THSD4: variants seen among roughly 807,000 people sequenced by gnomAD.
THSD4 encodes thrombospondin type 1 domain containing 4.
Under a neutral mutation model 119.0 loss-of-function variants are expected in THSD4, and 69 were observed. The observed-to-expected ratio is 0.58, with a 90% CI of 0.48 to 0.71. THSD4 has a LOEUF of 0.71. Ranked by LOEUF, THSD4 falls within the 30% of genes least tolerant of loss-of-function variation. The pLI is 0.00. For missense variants in THSD4, 1,393 were observed against 1,391.1 expected (o/e 1.00, Z -0.02); for synonymous variants, 524 against 540.4 (o/e 0.97, Z 0.42).
chr15:71,391,099 G>A (rs905318350), intron 6 of THSD4, among the ~76,000 whole-genome samples: 1 of 151,048 alleles, frequency 6.6e-6, no homozygotes, highest in African/African-American at 2.4e-5. Context: ...CACAATCTCG[G>A]CTCACTGCAA....
intron 3 of THSD4, among the ~76,000 whole-genome samples, chr15:71,165,981 A>T (rs1345595173): frequency 6.6e-6 from 1 of 151,946 alleles, no homozygotes; most frequent in East Asian, 1.9e-4. Flanking sequence ...CTGTAGGGAG[A>T]GGGAGGTGAG....
At chr15:71,636,687 T>C (rs2050751725) in intron 7 of THSD4, among the ~76,000 whole-genome samples, 1 of 152,026 alleles carries the variant, frequency 6.6e-6, no homozygotes, top group African/African-American at 2.4e-5. Context: ...AGAAATCTTT[T>C]TTTGCCCAGT....
intron 15 of THSD4, among the ~76,000 whole-genome samples, chr15:71,763,446 C>A (rs2053658836): frequency 6.6e-6 from 1 of 152,188 alleles, no homozygotes; most frequent in Non-Finnish European, 1.5e-5. Flanking sequence ...CACAGTGGCT[C>A]ACGCCTGTAA....
chr15:71,697,189 C>T (rs1029379902), intron 8 of THSD4, among the ~76,000 whole-genome samples: 2 of 151,954 alleles, frequency 1.3e-5, no homozygotes, highest in East Asian at 1.9e-4. Flanking sequence ...GAGAGAATAC[C>T]GGAAGGAATA....
chr15:71,564,770 ATAT>A (rs2049199509), intron 7 of THSD4, among the ~76,000 whole-genome samples: 1 of 13,772 alleles, frequency 7.3e-5, no homozygotes, highest in Non-Finnish European at 2.3e-4. Flanking sequence ...AATACAATAT[ATAT>A]TGTATATTAT....
chr15:71,717,022 C>T (rs2052623825), intron 8 of THSD4, among the ~76,000 whole-genome samples: 1 of 152,196 alleles, frequency 6.6e-6, no homozygotes, highest in Non-Finnish European at 1.5e-5. Context: ...CTCTCTGTGC[C>T]AGGAGGAAGA....
intron 15 of THSD4, among the ~76,000 whole-genome samples, chr15:71,762,410 T>C (rs2053642234): frequency 6.6e-6 from 1 of 152,234 alleles, no homozygotes; most frequent in Non-Finnish European, 1.5e-5. Context: ...TCTCATAGCA[T>C]TGAGGGGTCT....
At chr15:71,458,618 C>T (rs2047372019) in intron 7 of THSD4, among the ~76,000 whole-genome samples, 1 of 152,100 alleles carries the variant, frequency 6.6e-6, no homozygotes, top group Non-Finnish European at 1.5e-5. Context: ...TTATTAAGCT[C>T]AAAACAAGTA....
chr15:71,520,143 G>A (rs1346014555), intron 7 of THSD4, among the ~76,000 whole-genome samples: 1 of 152,178 alleles, frequency 6.6e-6, no homozygotes, highest in Non-Finnish European at 1.5e-5. Context: ...TAAGAAACTT[G>A]TAGCAAGTAA....
At chr15:71,429,668 T>G (rs1297787033) in intron 7 of THSD4, among the ~76,000 whole-genome samples, 1 of 152,196 alleles carries the variant, frequency 6.6e-6, no homozygotes, top group African/African-American at 2.4e-5. Flanking sequence ...CACATCAAAG[T>G]GCCACATTTT....
rs147436870 is a variant in THSD4, at chr15:71,556,724, C to T, written c.1153-103806C>T. ...ACGCTGCAGTGAGCCATGATCATAC[C>T]GCTTCACTCCAGCCTGGGTGGCAGA... On this transcript the variant is annotated intron_variant, in intron 7 of 17. Transcript: ENST00000261862. Among the ~76,000 whole-genome samples the T allele has an allele frequency of 1.5e-3, 228 of 150,076 alleles. 1 individual carries two copies. The highest frequency in any genetic ancestry group is 5.3e-3 in the African/African-American group (216 of 41,032).
intron 2 of THSD4, among the ~76,000 whole-genome samples, chr15:71,145,723 T>C (rs2040651892): frequency 6.6e-6 from 1 of 152,192 alleles, no homozygotes; most frequent in South Asian, 2.1e-4. Flanking sequence ...CAGTGAAAAC[T>C]GAAATTTCCC....
At chr15:71,772,621 T>G (rs1203341786) in intron 17 of THSD4, among the ~76,000 whole-genome samples, 1 of 152,202 alleles carries the variant, frequency 6.6e-6, no homozygotes, top group Non-Finnish European at 1.5e-5. Flanking sequence ...ATTAGGTTGG[T>G]GCAAAAGTAA....
intron 7 of THSD4, among the ~76,000 whole-genome samples, chr15:71,567,382 TG>T (rs1484866893): frequency 4.0e-5 from 6 of 151,800 alleles, no homozygotes; most frequent in Admixed American, 3.3e-4. Flanking sequence ...GATACAGGGG[TG>T]TGATCAAGCC....
chr15:71,199,920 T>TGTG (rs2043785882), intron 3 of THSD4, among the ~76,000 whole-genome samples: 1 of 113,882 alleles, frequency 8.8e-6, no homozygotes, highest in Admixed American at 9.6e-5. Context: ...GTGTGGGGTG[T>TGTG]GTGTGTGTGT....
chr15:71,655,031 C>A (rs1248553389), intron 7 of THSD4, among the ~76,000 whole-genome samples: 4 of 152,202 alleles, frequency 2.6e-5, no homozygotes, highest in Non-Finnish European at 5.9e-5. Flanking sequence ...AATTTTGGCA[C>A]ACAATTGGGG....
chr15:71,571,100 C>T (rs1056960036), intron 7 of THSD4, among the ~76,000 whole-genome samples: 2 of 152,232 alleles, frequency 1.3e-5, no homozygotes, highest in South Asian at 2.1e-4. Context: ...ACCGTGTCGG[C>T]GGAACATGTT....
At position 71,636,889 on chromosome 15, in the gene THSD4, C is replaced by CT. The variant is rs112472688; in HGVS notation, c.1153-23628dup. Among the ~76,000 whole-genome samples the CT allele has an allele frequency of 4.8e-3, 701 of 144,768 alleles. 1 individual carries two copies. Among genetic ancestry groups the CT allele is most frequent in the South Asian group, 7.7e-3 (35 of 4,566 alleles). 95.0% of individuals were successfully genotyped at this position (144,768 alleles called of 152,430 possible). A position where few individuals can be genotyped will look rare whatever the true frequency, so the allele number is the denominator to read the frequency against. On this transcript the variant is annotated intron_variant, in intron 7 of 17. Coordinates refer to ENST00000261862, the MANE Select transcript of THSD4 (RefSeq NM_024817.3). ...AGGCGCTCTCTCTCAATATTTTTTT[C>CT]TTTTTTTTTTTTTGAGACAAGGTCT...
At chr15:71,577,709 A>ATTTATTTATTTTATTTTAT (rs1567045038) in intron 7 of THSD4, among the ~76,000 whole-genome samples, 2 of 109,552 alleles carry the variant, frequency 1.8e-5, no homozygotes, top group Non-Finnish European at 3.8e-5. Context: ...ACCTTTATTT[A>ATTTATTTATTTTATTTTAT]TTTATTTTAT....
Sources: gnomAD v4.1 joint callset for allele counts (sites outside exome capture counted in the v4.1 genomes callset) on GRCh38, gnomAD v4.1.1 for gene constraint, MANE v1.5 for transcripts, NCBI Gene and HGNC (gene_info 2026-07-23, HGNC 2026-07-21) for gene names.